P2RY6: variants seen among roughly 807,000 people sequenced by gnomAD.
P2RY6 encodes the protein pyrimidinergic receptor P2Y6.
In P2RY6, 19 loss-of-function variants were observed where a neutral mutation model predicts 16.3. The observed-to-expected ratio is 1.16, with a 90% CI of 0.81 to 1.71. The LOEUF (loss-of-function observed/expected upper bound fraction) is 1.71. Among genes scored for constraint, P2RY6 ranks in the 40% most tolerant of loss-of-function variants. The pLI is 0.00. For synonymous variants in P2RY6, 184 were observed against 201.5 expected (o/e 0.91, Z 0.74); for missense variants, 389 against 455.5 (o/e 0.85, Z 1.33).
At chr11:73,295,409 G>A (rs1864431499) in intron 1 of P2RY6, among the ~76,000 whole-genome samples, 1 of 152,196 alleles carries the variant, frequency 6.6e-6, no homozygotes, top group Admixed American at 6.5e-5. Flanking sequence ...TCTGAAGTTG[G>A]TCATGTAACC....
chr11:73,268,901 C>G (rs1439694161), upstream of P2RY6, among the ~76,000 whole-genome samples: 1 of 152,228 alleles, frequency 6.6e-6, no homozygotes, highest in Non-Finnish European at 1.5e-5. Context: ...TTACAGGCTA[C>G]AGAGACCCTT....
intron 1 of P2RY6, among the ~76,000 whole-genome samples, chr11:73,287,864 A>G (rs1036490820): frequency 3.3e-5 from 5 of 152,144 alleles, no homozygotes; most frequent in Non-Finnish European, 5.9e-5. Flanking sequence ...CAGTGGCCCT[A>G]TAGGCGTGGA....
chr11:73,286,608 G>A (rs992858271), intron 1 of P2RY6, among the ~76,000 whole-genome samples: 5 of 151,144 alleles, frequency 3.3e-5, no homozygotes, highest in Admixed American at 6.6e-5. Flanking sequence ...AGGCAGCACC[G>A]AGGACAGAGC....
At chr11:73,288,807 T>C (rs1352181572) in intron 1 of P2RY6, among the ~76,000 whole-genome samples, 1 of 152,140 alleles carries the variant, frequency 6.6e-6, no homozygotes, top group African/African-American at 2.4e-5. Context: ...CACAGCAAGT[T>C]GGTGGTCGAT....
At chr11:73,294,138 T>A (rs1445416281) in intron 1 of P2RY6, among the ~76,000 whole-genome samples, 4 of 152,168 alleles carry the variant, frequency 2.6e-5, no homozygotes, top group African/African-American at 7.2e-5. Flanking sequence ...AGGGGTGCTA[T>A]GTTCTTCAAC....
Position 73,296,551 on chromosome 11 carries a change from G to A in P2RY6, c.33G>A (p.Leu11=). ...GGGACAATGGCACAGGCCAGGCTCT[G>A]GGCTTGCCACCCACCACCTGTGTCT... is the stretch of plus-strand genomic sequence containing the variant. MEWDNGTGQA[L]GLPPTTCVYR... is the part of the protein sequence containing the mutation. Residue 11 remains leucine (L), a synonymous_variant, in exon 3 of 3, where the codon CTG becomes CTA. Coordinates refer to ENST00000540124, the MANE Select transcript of P2RY6 (RefSeq NM_001277204.2). 1 of 1,614,156 alleles carries A rather than the reference G, an allele frequency of 6.2e-7. No individual in the cohort carries two copies. The highest frequency in any genetic ancestry group is 8.5e-7 in the Non-Finnish European group (1 of 1,180,010).
upstream of P2RY6, among the ~76,000 whole-genome samples, chr11:73,268,469 A>T (rs983982662): frequency 6.6e-6 from 1 of 152,194 alleles, no homozygotes; most frequent in Non-Finnish European, 1.5e-5. Flanking sequence ...ACAAAAAAAA[A>T]TACAAATTTA....
rs1864312966 is a variant in P2RY6, at chr11:73,292,803, T to A, written c.-120-2927T>A. 4 of 985,392 alleles carry A rather than the reference T, an allele frequency of 4.1e-6. No individual in the cohort carries two copies. In the South Asian group the frequency reaches 1.9e-4, roughly 46 times the overall value. The allele number at this position is 985,392 out of a possible 1,614,324, so 61.0% of individuals were successfully genotyped here. ...CCAGGAAACAGAGGAAGCTGCTCAC[T>A]CTGTCAGAGAAGTTGCAGCCTAGCT... is the stretch of plus-strand genomic sequence containing the variant. On this transcript the variant is annotated intron_variant, in intron 1 of 2. Transcript: ENST00000540124.
Position 73,275,262 on chromosome 11 carries a change from C to T in P2RY6, c.-121+2796C>T, listed in dbSNP as rs959363743. Among the ~76,000 whole-genome samples the T allele has an allele frequency of 4.1e-4, 62 of 152,156 alleles. 1 individual carries two copies. Among genetic ancestry groups the T allele is most frequent in the African/African-American group, 1.4e-3 (60 of 41,426 alleles). ...GGCATCCTGACTCCCAGGGCAGTGC[C>T]GGTTTTCATGGCCTGGGACGGAGTG... On this transcript the variant is annotated intron_variant, in intron 1 of 2. Coordinates refer to ENST00000540124, the MANE Select transcript of P2RY6 (RefSeq NM_001277204.2).
In P2RY6 at chr11:73,296,492, G is replaced by A; in HGVS notation, c.-27G>A. 6.2e-7 allele frequency: 1 copy of A among 1,607,314 alleles called. No homozygotes were observed. The highest frequency in any genetic ancestry group is 8.5e-7 in the Non-Finnish European group (1 of 1,175,026). ...TGTGTATTGCTTTCCCAGCCTCCCT[G>A]AACATAGGAAACCCACCTGGGCAGC... On this transcript the variant is annotated 5_prime_UTR_variant, in exon 3 of 3. It removes the in-frame stop codon of an upstream open reading frame in the 5' UTR. Transcript: ENST00000540124.
At chr11:73,277,681 C>T (rs1036717285) in intron 1 of P2RY6, among the ~76,000 whole-genome samples, 1 of 152,204 alleles carries the variant, frequency 6.6e-6, no homozygotes, top group African/African-American at 2.4e-5. Context: ...GAACCTGGAG[C>T]TTAGGCAATC....
chr11:73,283,521 A>C (rs1165669889), intron 1 of P2RY6, among the ~76,000 whole-genome samples: 1 of 152,150 alleles, frequency 6.6e-6, no homozygotes. Flanking sequence ...CAGGGACGTC[A>C]AGCCCAGTCA....
intron 1 of P2RY6, among the ~76,000 whole-genome samples, chr11:73,274,924 G>A (rs1259845771): frequency 6.6e-6 from 1 of 152,284 alleles, no homozygotes; most frequent in Admixed American, 6.5e-5. Flanking sequence ...GGCAGCCCAG[G>A]CTCTGGCTCT....
In P2RY6 at chr11:73,278,641, C is replaced by T. The variant is rs189234194; in HGVS notation, c.-121+6175C>T. On this transcript the variant is annotated intron_variant, in intron 1 of 2. Transcript: ENST00000540124. The stretch of plus-strand genomic sequence containing the variant: ...ACAGTATTTGTCCCTTTTGGACTGG[C>T]TTGTTGTACTTGGAATAAGGTTTCC... Among the ~76,000 whole-genome samples, 503 of 152,270 alleles carry T rather than the reference C, an allele frequency of 3.3e-3. 8 individuals carry two copies. Among genetic ancestry groups the T allele is most frequent in the African/African-American group, 0.011 (471 of 41,542 alleles).
At chr11:73,268,308 A>G (rs1382940702), upstream of P2RY6, among the ~76,000 whole-genome samples, 1 of 152,182 alleles carries the variant, frequency 6.6e-6, no homozygotes. Flanking sequence ...CAGAGAGGGA[A>G]AACCTCTGTG....
chr11:73,268,931 G>A (rs1863193771), upstream of P2RY6, among the ~76,000 whole-genome samples: 2 of 152,206 alleles, frequency 1.3e-5, no homozygotes, highest in Admixed American at 1.3e-4. Context: ...TGACTCATGT[G>A]GATCGGAACA....
Position 73,296,553 on chromosome 11 carries a change from G to C in P2RY6, c.35G>C (p.Gly12Ala). ...EWDNGTGQAL[G>A]LPPTTCVYRE... is the part of the protein sequence containing the mutation. Reference sequence around the variant, plus strand: ...GACAATGGCACAGGCCAGGCTCTGGGCTTGCCACCCACCACCTGTGTCTAC... The same window carrying C: ...GACAATGGCACAGGCCAGGCTCTGGCCTTGCCACCCACCACCTGTGTCTAC... Residue 12 changes from glycine (G) to alanine (A), a missense_variant, in exon 3 of 3, where the codon GGC (glycine) becomes GCC (alanine). Transcript: ENST00000540124. 6.2e-7 allele frequency: 1 copy of C among 1,614,170 alleles called. No individual in the cohort carries two copies. Among genetic ancestry groups the C allele is most frequent in the East Asian group, 2.2e-5 (1 of 44,878 alleles).
At chr11:73,271,856 G>C (rs1416214478), upstream of P2RY6, 1 of 151,988 alleles carries the variant, frequency 6.6e-6, no homozygotes, top group Non-Finnish European at 1.5e-5. Flanking sequence ...CATAGGGTTG[G>C]AGCCACAGAT....
chr11:73,291,560 T>C (rs1321099208), intron 1 of P2RY6, among the ~76,000 whole-genome samples: 5 of 152,256 alleles, frequency 3.3e-5, no homozygotes, highest in African/African-American at 1.2e-4. Flanking sequence ...TGTGCACAAC[T>C]GACCAAGTGT....
Sources: gnomAD v4.1 joint callset for allele counts (sites outside exome capture counted in the v4.1 genomes callset) on GRCh38, gnomAD v4.1.1 for gene constraint, MANE v1.5 for transcripts, NCBI Gene and HGNC (gene_info 2026-07-23, HGNC 2026-07-21) for gene names.